CD4: variants seen among roughly 807,000 people sequenced by gnomAD.
CD4 encodes T-cell surface glycoprotein CD4.
Under a neutral mutation model 50.5 loss-of-function variants are expected in CD4, and 25 were observed. That is an observed-to-expected ratio of 0.49 (90% CI 0.36 to 0.69). The LOEUF is 0.69. Ranked by LOEUF, CD4 falls within the 30% of genes least tolerant of loss-of-function variation. The pLI is 0.00. For synonymous variants in CD4, 207 were observed against 221.9 expected, an observed-to-expected ratio of 0.93 and a Z score of 0.60; for missense variants, 456 against 548.5, an observed-to-expected ratio of 0.83 and a Z score of 1.68.
intron 4 of CD4, 70 bp from the exon 5 acceptor site, chr12:6,814,689 G>C: frequency 8.9e-7 from 1 of 1,119,912 alleles, no homozygotes; most frequent in East Asian, 2.4e-5. Context: ...AGATGTTGTT[G>C]GTTTCCTGTT....
Position 6,816,426 on chromosome 12 carries a change from G to A in CD4, c.955+23G>A. ...GAGGTGAGGGGCCAGGCCAGGGAGGGGTGGGCAGGGGAAGGAGTTGGAGGG... is the reference window on the plus strand; with the variant it reads ...GAGGTGAGGGGCCAGGCCAGGGAGGAGTGGGCAGGGGAAGGAGTTGGAGGG... On this transcript the variant is annotated intron_variant, in intron 6 of 9. Coordinates refer to ENST00000011653, the MANE Select transcript of CD4 (RefSeq NM_000616.5). The surrounding 1 kb of genome is among the most constrained non-coding windows in gnomAD (Gnocchi z 4.9). 1.3e-6 allele frequency: 2 copies of A among 1,570,918 alleles called. No individual in the cohort carries two copies. Among genetic ancestry groups the A allele is most frequent in the East Asian group, 2.3e-5 (1 of 44,202 alleles).
At position 6,817,323 on chromosome 12, in the gene CD4, C is replaced by A. The variant is rs782633339; in HGVS notation, c.1149C>A (p.Asn383Lys). ...CGGGACAGGTCCTGCTGGAATCCAA[C>A]ATCAAGGGTAAGGACCCAGGTTCCA... ...SDSGQVLLES[N>K]IKVLPTWSTP... The change falls in exon 7 of 10, where the codon AAC becomes AAA. Residue 383 changes from asparagine (N) to lysine (K), a missense_variant. Coordinates refer to ENST00000011653, the MANE Select transcript of CD4 (RefSeq NM_000616.5). The A allele has an allele frequency of 1.1e-5, 17 of 1,554,390 alleles. No homozygotes were observed. Among genetic ancestry groups the A allele is most frequent in the Non-Finnish European group, 1.5e-5 (17 of 1,148,184 alleles).
intron 1 of CD4, among the ~76,000 whole-genome samples, chr12:6,797,339 C>T (rs1462210718): frequency 6.6e-6 from 1 of 152,010 alleles, no homozygotes; most frequent in Non-Finnish European, 1.5e-5. Context: ...ACTCAGAGGC[C>T]TTGTAGGGTT....
intron 3 of CD4, among the ~76,000 whole-genome samples, chr12:6,805,392 G>A (rs1347486389): frequency 1.1e-4 from 16 of 151,234 alleles, no homozygotes; most frequent in Admixed American, 5.3e-4. Context: ...GTGAAACCCC[G>A]TCTCTACTAA....
intron 3 of CD4, among the ~76,000 whole-genome samples, chr12:6,807,702 G>A (rs1942807888): frequency 6.6e-6 from 1 of 152,164 alleles, no homozygotes; most frequent in Non-Finnish European, 1.5e-5. Flanking sequence ...ATTACCATCA[G>A]AGTAAACTGG....
intron 3 of CD4, among the ~76,000 whole-genome samples, chr12:6,801,642 C>T (rs1555115297): frequency 6.7e-6 from 1 of 148,784 alleles, no homozygotes; most frequent in African/African-American, 2.5e-5. Flanking sequence ...CTCATTGCAA[C>T]CTCCACCTCC....
At chr12:6,817,732 C>A (rs1285218987) in intron 7 of CD4, among the ~76,000 whole-genome samples, 1 of 115,406 alleles carries the variant, frequency 8.7e-6, no homozygotes, top group Non-Finnish European at 1.7e-5. Context: ...ACACACATCA[C>A]TCACACACTC....
rs147732769 is a variant in CD4, at chr12:6,817,030, C to A, written c.956-100C>A. 3.7e-3 allele frequency: 3,768 copies of A among 1,006,756 alleles called. 20 individuals are homozygous for A. The highest frequency in any genetic ancestry group is 7.1e-3 in the Middle Eastern group (30 of 4,246). The allele number at this position is 1,006,756 out of a possible 1,614,324, so 62.4% of individuals were successfully genotyped here. On this transcript the variant is annotated intron_variant, in intron 6 of 9. Transcript: ENST00000011653. ...TTTCCTCGTAGGACTGCATGAAAAC[C>A]TGCTCTAAAAGGCTAAAAGAAGGTC...
intron 1 of CD4, among the ~76,000 whole-genome samples, chr12:6,795,688 C>G (rs977106663): frequency 3.3e-5 from 5 of 152,228 alleles, no homozygotes. Flanking sequence ...AAGGGGCCAC[C>G]CCACAGAAGC....
chr12:6,794,004 A>ATCTATCTATCTATCTG (rs1442402694), intron 1 of CD4, among the ~76,000 whole-genome samples: 1 of 149,990 alleles, frequency 6.7e-6, no homozygotes, highest in Non-Finnish European at 1.5e-5. Flanking sequence ...CTATCTATCT[A>ATCTATCTATCTATCTG]TCACCTATCT....
chr12:6,811,566 C>T (rs188358994), intron 3 of CD4, among the ~76,000 whole-genome samples: 1 of 142,544 alleles, frequency 7.0e-6, no homozygotes, highest in African/African-American at 2.6e-5. Context: ...GATCTTGGCT[C>T]ACTGCAATCT....
At position 6,792,432 on chromosome 12, in the gene CD4, CT is replaced by C. The variant is rs1257903822; in HGVS notation, c.-68+2774del. 2.0e-5 allele frequency among the ~76,000 whole-genome samples: 3 copies of C among 152,022 alleles called. No homozygotes were observed. The highest frequency in any genetic ancestry group is 2.9e-5 in the Non-Finnish European group (2 of 68,036). On this transcript the variant is annotated intron_variant, in intron 1 of 9. Transcript: ENST00000011653. This position sits in a 1 kb window ranked among gnomAD's most constrained non-coding sequence, Gnocchi z 4.1. ...TCTGTCTTGCTTCTCAGAATTTCTTCTTTTCCTCTTTTTTTGTACTACCCTG... is the reference window on the plus strand; with the variant it reads ...TCTGTCTTGCTTCTCAGAATTTCTTCTTTCCTCTTTTTTTGTACTACCCTG...
At position 6,813,771 on chromosome 12, in the gene CD4, T is replaced by C. The variant is rs377445747; in HGVS notation, c.215-371T>C. Among the ~76,000 whole-genome samples the C allele has an allele frequency of 3.1e-4, 47 of 152,370 alleles. No homozygotes were observed. The East Asian group carries it at 7.9e-3, about 26-fold the overall frequency. On this transcript the variant is annotated intron_variant, in intron 3 of 9. Coordinates refer to ENST00000011653, the MANE Select transcript of CD4 (RefSeq NM_000616.5). ...TACTTAATCTCAATATGTGAGAGTT[T>C]AGGCAGTTACCTAATCTCTCTGAGT...
At chr12:6,817,963 A>T (rs1943136600) in intron 7 of CD4, among the ~76,000 whole-genome samples, 1 of 151,876 alleles carries the variant, frequency 6.6e-6, no homozygotes, top group Admixed American at 6.6e-5. Flanking sequence ...CCGCACACGC[A>T]TTATTCACAC....
intron 1 of CD4, among the ~76,000 whole-genome samples, chr12:6,794,165 C>T (rs113505973): frequency 4.5e-3 from 680 of 151,504 alleles, no homozygotes; most frequent in African/African-American, 0.015. Context: ...CTCCGCCTCC[C>T]GGGTTCAAGC....
chr12:6,795,513 A>G (rs1316070085), intron 1 of CD4, among the ~76,000 whole-genome samples: 1 of 152,244 alleles, frequency 6.6e-6, no homozygotes, highest in African/African-American at 2.4e-5. Flanking sequence ...GCCCAGCAGG[A>G]AACACAGTCC....
intron 1 of CD4, among the ~76,000 whole-genome samples, chr12:6,798,365 G>A (rs1425594362): frequency 8.4e-6 from 1 of 118,976 alleles, no homozygotes; most frequent in Admixed American, 8.2e-5. Flanking sequence ...GTAGAGATGG[G>A]GTTTCACCGT....
At chr12:6,797,850 G>A (rs1052281152) in intron 1 of CD4, among the ~76,000 whole-genome samples, 7 of 152,146 alleles carry the variant, frequency 4.6e-5, no homozygotes, top group Non-Finnish European at 8.8e-5. Flanking sequence ...ATGTATGATC[G>A]GTTTTACACC....
chr12:6,802,969 G>A (rs1486601039), intron 3 of CD4, among the ~76,000 whole-genome samples: 3 of 152,010 alleles, frequency 2.0e-5, no homozygotes, highest in Non-Finnish European at 4.4e-5. Context: ...TCTCGACTTC[G>A]TGATCAGCCC....
Sources: gnomAD v4.1 joint callset for allele counts (sites outside exome capture counted in the v4.1 genomes callset) on GRCh38, gnomAD v4.1.1 for gene constraint, Gnocchi (gnomAD v3.1) non-coding constraint, MANE v1.5 for transcripts, NCBI Gene and HGNC (gene_info 2026-07-23, HGNC 2026-07-21) for gene names.